Variants in ADGRL3 observed in about 807,000 individuals in gnomAD.
The protein encoded by ADGRL3 is calcium-independent alpha-latrotoxin receptor 3.
ADGRL3 carries 62 observed loss-of-function variants against 153.5 expected under a neutral mutation model. The observed-to-expected ratio is 0.40, with a 90% CI of 0.33 to 0.50. The LOEUF is 0.50. ADGRL3 is among the 20% of genes least tolerant of loss of function. ADGRL3 has a pLI of 0.47. For synonymous variants in ADGRL3, 710 were observed against 672.5 expected (o/e 1.06, Z -0.86); for missense variants, 1,641 against 1,859.4 (o/e 0.88, Z 2.16).
At chr4:61,253,710 CACAT>C (rs950925674) in intron 1 of ADGRL3, among the ~76,000 whole-genome samples, 17 of 141,542 alleles carry the variant, frequency 1.2e-4, no homozygotes, top group African/African-American at 2.4e-4. Context: ...CACACACACA[CACAT>C]ATATACATAT....
chr4:61,269,098 C>T (rs1257401291), intron 1 of ADGRL3, among the ~76,000 whole-genome samples: 1 of 151,362 alleles, frequency 6.6e-6, no homozygotes, highest in Non-Finnish European at 1.5e-5. Flanking sequence ...TATTTTTGGC[C>T]CCAAGGGAGC....
chr4:62,068,034 G>T, intron 25 of ADGRL3, 132 bp from the exon 26 acceptor site: 1 of 504,022 alleles, frequency 2.0e-6, no homozygotes, highest in South Asian at 3.4e-5. Flanking sequence ...ATGAATTTTG[G>T]GGCAGTGGAA....
At chr4:61,549,553 C>T (rs2098730820) in intron 4 of ADGRL3, among the ~76,000 whole-genome samples, 2 of 152,108 alleles carry the variant, frequency 1.3e-5, no homozygotes, top group African/African-American at 4.8e-5. Context: ...AACAGGTTTA[C>T]CAGTTACTCC....
At chr4:61,823,820 G>T (rs903056447) in intron 9 of ADGRL3, among the ~76,000 whole-genome samples, 1 of 152,162 alleles carries the variant, frequency 6.6e-6, no homozygotes, top group African/African-American at 2.4e-5. Flanking sequence ...CCAGCTCTTT[G>T]AGAGGATGAG....
At chr4:62,063,562 A>T in intron 25 of ADGRL3, 1 of 700,372 alleles carries the variant, frequency 1.4e-6, no homozygotes, top group Non-Finnish European at 2.6e-6. Context: ...GGTACTAACA[A>T]TCCCTATAAT....
At chr4:61,410,475 C>A (rs2152259495) in intron 2 of ADGRL3, among the ~76,000 whole-genome samples, 1 of 152,150 alleles carries the variant, frequency 6.6e-6, no homozygotes, top group East Asian at 1.9e-4. Context: ...TATATAACCA[C>A]ACAACAGTGA....
intron 6 of ADGRL3, among the ~76,000 whole-genome samples, chr4:61,701,576 A>T (rs1230320584): frequency 1.3e-5 from 2 of 151,488 alleles, no homozygotes; most frequent in African/African-American, 2.4e-5. Context: ...CTGGGACTAG[A>T]TGCATGCCAC....
intron 1 of ADGRL3, among the ~76,000 whole-genome samples, chr4:61,362,701 G>C (rs1375413869): frequency 6.6e-6 from 1 of 152,118 alleles, no homozygotes; most frequent in Non-Finnish European, 1.5e-5. Context: ...TGAGTAGGCA[G>C]AAGAAGAGTA....
chr4:62,060,431 A>G (rs1452893697), intron 25 of ADGRL3, among the ~76,000 whole-genome samples: 1 of 151,838 alleles, frequency 6.6e-6, no homozygotes, highest in East Asian at 1.9e-4. Flanking sequence ...TCTTTGAGGG[A>G]GTGTAAAGAA....
At chr4:61,868,389 A>G (rs113636988) in intron 9 of ADGRL3, among the ~76,000 whole-genome samples, 2,956 of 152,080 alleles carry the variant, frequency 0.019, 104 homozygotes, top group African/African-American at 0.066. Context: ...TCATCTATCC[A>G]CACATCTAAC....
At chr4:61,353,138 T>C (rs1378666735) in intron 1 of ADGRL3, among the ~76,000 whole-genome samples, 1 of 152,194 alleles carries the variant, frequency 6.6e-6, no homozygotes, top group Non-Finnish European at 1.5e-5. Context: ...AGGTAGTTTA[T>C]ATTGTCCTTT....
intron 8 of ADGRL3, among the ~76,000 whole-genome samples, chr4:61,756,403 C>G (rs898018010): frequency 6.6e-6 from 1 of 151,914 alleles, no homozygotes; most frequent in Non-Finnish European, 1.5e-5. Flanking sequence ...AGTTCACTCA[C>G]GATTTGGCTC....
At chr4:61,969,056 T>A (rs929892070) in intron 17 of ADGRL3, among the ~76,000 whole-genome samples, 1 of 152,110 alleles carries the variant, frequency 6.6e-6, no homozygotes, top group Non-Finnish European at 1.5e-5. Flanking sequence ...ACCATGATCA[T>A]TAATAAGACC....
intron 1 of ADGRL3, among the ~76,000 whole-genome samples, chr4:61,299,511 G>A (rs964319651): frequency 6.6e-6 from 1 of 152,130 alleles, no homozygotes; most frequent in African/African-American, 2.4e-5. Flanking sequence ...AGTCACATAT[G>A]GAATTAGAGA....
At chr4:62,038,501 A>G (rs866502345) in intron 24 of ADGRL3, among the ~76,000 whole-genome samples, 7 of 152,188 alleles carry the variant, frequency 4.6e-5, no homozygotes, top group African/African-American at 1.4e-4. Flanking sequence ...ATTATTACAT[A>G]GAAATTTTAG....
intron 13 of ADGRL3, among the ~76,000 whole-genome samples, chr4:61,916,393 G>A (rs748586705): frequency 5.9e-5 from 9 of 152,066 alleles, no homozygotes; most frequent in Non-Finnish European, 1.3e-4. Context: ...CCAGCTACTT[G>A]AGAAGCCAAG....
intron 4 of ADGRL3, among the ~76,000 whole-genome samples, chr4:61,547,656 G>C (rs1383278431): frequency 6.6e-6 from 1 of 151,998 alleles, no homozygotes; most frequent in Admixed American, 6.6e-5. Flanking sequence ...GTATACCATT[G>C]ATGGGTATTT....
At chr4:61,261,039 T>G (rs2092468261) in intron 1 of ADGRL3, among the ~76,000 whole-genome samples, 1 of 152,108 alleles carries the variant, frequency 6.6e-6, no homozygotes, top group Non-Finnish European at 1.5e-5. Flanking sequence ...TCATTTGTTA[T>G]TTGTATTAAG....
chr4:61,900,300 T>C (rs2098657163), intron 11 of ADGRL3, among the ~76,000 whole-genome samples: 1 of 152,150 alleles, frequency 6.6e-6, no homozygotes. Flanking sequence ...ACATGAATTA[T>C]GTTTTTTTTT....
Sources: gnomAD v4.1 joint callset for allele counts (sites outside exome capture counted in the v4.1 genomes callset) on GRCh38, gnomAD v4.1.1 for gene constraint, MANE v1.5 for transcripts, NCBI Gene and HGNC (gene_info 2026-07-23, HGNC 2026-07-21) for gene names.